Variants in ZFHX3 observed in about 807,000 individuals in gnomAD.
ZFHX3 encodes zinc finger homeobox 3.
In ZFHX3, 42 loss-of-function variants were observed where a neutral mutation model predicts 279.1. That is an observed-to-expected ratio of 0.15 (90% confidence interval 0.12 to 0.19). The LOEUF is 0.19. Among genes scored for constraint, ZFHX3 ranks in the 10% least tolerant of loss-of-function variants. The probability of loss-of-function intolerance (pLI) is 1.00; values close to 1 mark genes in which losing one functional copy is unlikely to be tolerated. For missense variants in ZFHX3, 4,981 were observed against 4,754.0 expected (o/e 1.05, Z -1.40); for synonymous variants, 2,293 against 1,957.8 (o/e 1.17, Z -4.52).
At chr16:72,983,163 C>T (rs1012720322) in intron 1 of ZFHX3, among the ~76,000 whole-genome samples, 7 of 152,118 alleles carry the variant, frequency 4.6e-5, no homozygotes, top group South Asian at 2.1e-4. Flanking sequence ...CTGTTCCTAC[C>T]GTGATAGAAA....
At chr16:73,472,792 G>A (rs2018692021) in intron 2 of ZFHX3, among the ~76,000 whole-genome samples, 1 of 152,038 alleles carries the variant, frequency 6.6e-6, no homozygotes, top group African/African-American at 2.4e-5. Flanking sequence ...TTTCCCTGTG[G>A]TCACAGCTCC....
chr16:73,296,972 G>A (rs1315836670), intron 4 of ZFHX3, among the ~76,000 whole-genome samples: 1 of 145,074 alleles, frequency 6.9e-6, no homozygotes, highest in Non-Finnish European at 1.5e-5. Context: ...CTGCCTCCCA[G>A]GTTCATGCCA....
chr16:73,293,669 C>G (rs541232799), intron 4 of ZFHX3, among the ~76,000 whole-genome samples: 17 of 152,318 alleles, frequency 1.1e-4, no homozygotes, highest in African/African-American at 4.1e-4. Context: ...CCCAGGCCAG[C>G]ATGGCCATGC....
At chr16:73,781,707 G>C (rs972698219) in intron 1 of ZFHX3, among the ~76,000 whole-genome samples, 1 of 152,186 alleles carries the variant, frequency 6.6e-6, no homozygotes, top group African/African-American at 2.4e-5. Flanking sequence ...ATAAACAAGA[G>C]GTCGGGCGTG....
At chr16:73,070,837 C>T (rs1181426071) in intron 8 of ZFHX3, among the ~76,000 whole-genome samples, 2 of 151,630 alleles carry the variant, frequency 1.3e-5, no homozygotes, top group African/African-American at 4.9e-5. Context: ...CGCCTTCCAC[C>T]ACTTATTTCT....
In ZFHX3 at chr16:73,516,155, G is replaced by A. The variant is rs144933218; in HGVS notation, c.-1546-59897C>T. On this transcript the variant is annotated intron_variant, in intron 2 of 17. Transcript: ENST00000641206. ...AAATGCATTTTGAAAAGCTACACAAGTCACACGAATTGCTAACGCTAAGTA... is the reference window on the plus strand; with the variant it reads ...AAATGCATTTTGAAAAGCTACACAAATCACACGAATTGCTAACGCTAAGTA... Among the ~76,000 whole-genome samples, 25 of 152,278 alleles carry A rather than the reference G, an allele frequency of 1.6e-4. No individual in the cohort carries two copies. In the East Asian group the frequency reaches 4.6e-3, roughly 28 times the overall value.
At chr16:73,469,023 A>G (rs1387401089) in intron 2 of ZFHX3, among the ~76,000 whole-genome samples, 2 of 152,224 alleles carry the variant, frequency 1.3e-5, no homozygotes, top group Non-Finnish European at 2.9e-5. Context: ...CATGATAGAG[A>G]TAAGAACTGG....
At chr16:73,465,641 C>T (rs1297684288) in intron 2 of ZFHX3, among the ~76,000 whole-genome samples, 1 of 152,156 alleles carries the variant, frequency 6.6e-6, no homozygotes, top group Admixed American at 6.5e-5. Context: ...AGGTGAGGAG[C>T]CCCTCTGCTG....
intron 5 of ZFHX3, among the ~76,000 whole-genome samples, chr16:73,163,220 A>C (rs533460635): frequency 6.6e-6 from 1 of 152,238 alleles, no homozygotes; most frequent in Non-Finnish European, 1.5e-5. Flanking sequence ...CAATAAGCAC[A>C]TACTGAGCCA....
intron 1 of ZFHX3, among the ~76,000 whole-genome samples, chr16:73,816,796 T>C (rs887488749): frequency 1.3e-5 from 2 of 152,072 alleles, no homozygotes; most frequent in African/African-American, 2.4e-5. Context: ...ATGAACTGGA[T>C]TGAGAGTAGG....
At chr16:73,199,441 G>A (rs1172113128) in intron 5 of ZFHX3, among the ~76,000 whole-genome samples, 1 of 152,210 alleles carries the variant, frequency 6.6e-6, no homozygotes, top group Non-Finnish European at 1.5e-5. Flanking sequence ...TTCCAAGGAA[G>A]CCGGTTTTAT....
intron 4 of ZFHX3, 57 bp downstream of exon 4, chr16:72,889,674 C>T: frequency 6.4e-7 from 1 of 1,558,576 alleles, no homozygotes; most frequent in Non-Finnish European, 8.7e-7. Flanking sequence ...CTGGAGGTCT[C>T]AAGGAGGTGA....
chr16:73,684,854 C>A (rs2053063256), intron 1 of ZFHX3, among the ~76,000 whole-genome samples: 1 of 151,986 alleles, frequency 6.6e-6, no homozygotes, highest in African/African-American at 2.4e-5. Context: ...GCACGCACCA[C>A]CACACCTGGC....
intron 5 of ZFHX3, among the ~76,000 whole-genome samples, chr16:73,230,159 A>C (rs2012729427): frequency 1.3e-5 from 2 of 152,210 alleles, no homozygotes; most frequent in South Asian, 2.1e-4. Flanking sequence ...AAGCAGAATA[A>C]ATAGTTGATA....
chr16:73,608,514 TAAC>T (rs1204384469), intron 2 of ZFHX3: 2 of 152,188 alleles, frequency 1.3e-5, no homozygotes, highest in Admixed American at 6.5e-5. Context: ...TACAAAACAA[TAAC>T]AACAACATTG....
intron 2 of ZFHX3, among the ~76,000 whole-genome samples, chr16:73,657,705 C>T (rs771597445): frequency 3.3e-5 from 5 of 152,186 alleles, no homozygotes; most frequent in African/African-American, 1.2e-4. Flanking sequence ...GCATATGACA[C>T]GTGGTCTTTT....
intron 3 of ZFHX3, among the ~76,000 whole-genome samples, chr16:73,359,967 A>T (rs56204219): frequency 0.11 from 16,122 of 152,108 alleles, 904 homozygotes; most frequent in Middle Eastern, 0.14. Flanking sequence ...ACCCACCTGA[A>T]CCTACCTTGT....
At chr16:73,404,616 A>C (rs2017323189) in intron 3 of ZFHX3, among the ~76,000 whole-genome samples, 1 of 152,212 alleles carries the variant, frequency 6.6e-6, no homozygotes, top group South Asian at 2.1e-4. Flanking sequence ...CCATCTGTTG[A>C]TACTTCACAT....
intron 4 of ZFHX3, among the ~76,000 whole-genome samples, chr16:72,879,507 C>T (rs181569080): frequency 2.0e-5 from 3 of 152,300 alleles, no homozygotes; most frequent in Admixed American, 1.3e-4. Context: ...CTCATTGCAA[C>T]CTCTGCCTCC....
Sources: allele counts gnomAD v4.1 joint callset (sites outside exome capture counted in the v4.1 genomes callset), GRCh38; gene constraint gnomAD v4.1.1; transcripts MANE v1.5; gene names NCBI Gene and HGNC (gene_info 2026-07-23, HGNC 2026-07-21).